The following SLC24A2 variants were observed in gnomAD, a reference collection of about 807,000 sequenced individuals.
SLC24A2 encodes the protein solute carrier family 24 member 2.
In SLC24A2, 36 loss-of-function variants were observed where a neutral mutation model predicts 62.0. The observed-to-expected ratio is 0.58, with a 90% CI of 0.44 to 0.77. The LOEUF (loss-of-function observed/expected upper bound fraction) is 0.77. SLC24A2 is among the 30% of genes least tolerant of loss of function. SLC24A2 has a pLI of 0.00. For missense variants in SLC24A2, 846 were observed against 817.9 expected (o/e 1.03, Z -0.42); for synonymous variants, 358 against 294.0 (o/e 1.22, Z -2.23).
chr9:20,060,646 T>C, the SLC24A2 span, among the ~76,000 whole-genome samples: 5 of 152,160 alleles, frequency 3.3e-5, no homozygotes, highest in African/African-American at 4.8e-5. Context: ...AGGGAACTTT[T>C]CCAACTTGTT....
chr9:19,588,571 A>C (rs1192890207), intron 5 of SLC24A2, among the ~76,000 whole-genome samples: 3 of 150,380 alleles, frequency 2.0e-5, no homozygotes, highest in African/African-American at 7.4e-5. Context: ...TCAGGTTTCT[A>C]AAACAAGTAA....
the SLC24A2 span, among the ~76,000 whole-genome samples, chr9:20,164,217 T>G: frequency 6.6e-6 from 1 of 151,686 alleles, no homozygotes; most frequent in African/African-American, 2.4e-5. Flanking sequence ...GGGAGAAAAT[T>G]TTCACAACCT....
At chr9:20,249,666 T>G in the SLC24A2 span, among the ~76,000 whole-genome samples, 1 of 139,844 alleles carries the variant, frequency 7.2e-6, no homozygotes, top group Non-Finnish European at 1.5e-5. Context: ...GATTGCACCA[T>G]TGCACTCCAG....
At chr9:20,216,964 A>T in the SLC24A2 span, among the ~76,000 whole-genome samples, 2 of 152,180 alleles carry the variant, frequency 1.3e-5, no homozygotes, top group Non-Finnish European at 1.5e-5. Context: ...GGTTTGTCCC[A>T]AAAGACTCTT....
the SLC24A2 span, among the ~76,000 whole-genome samples, chr9:20,210,374 C>T: frequency 6.6e-6 from 1 of 152,142 alleles, no homozygotes; most frequent in East Asian, 1.9e-4. Context: ...TAAAATGTGT[C>T]AGGTGGTAGA....
chr9:19,984,724 C>T, the SLC24A2 span, among the ~76,000 whole-genome samples: 82 of 152,110 alleles, frequency 5.4e-4, no homozygotes, highest in African/African-American at 1.9e-3. Flanking sequence ...AATAAATAAG[C>T]CCAAATATTT....
intron 2 of SLC24A2, among the ~76,000 whole-genome samples, chr9:19,760,814 C>A (rs932969692): frequency 6.7e-6 from 1 of 149,940 alleles, no homozygotes; most frequent in African/African-American, 2.5e-5. Context: ...ATCGCAAGGA[C>A]GGAAAACCAA....
At chr9:20,060,820 C>G in the SLC24A2 span, among the ~76,000 whole-genome samples, 2 of 152,228 alleles carry the variant, frequency 1.3e-5, no homozygotes, top group Admixed American at 1.3e-4. Flanking sequence ...TGTGGAGCTA[C>G]TATAACGATT....
the SLC24A2 span, among the ~76,000 whole-genome samples, chr9:20,291,188 A>C: frequency 9.2e-5 from 14 of 152,172 alleles, no homozygotes; most frequent in African/African-American, 3.4e-4. Flanking sequence ...GAGAGCAAGC[A>C]AGGCTAGCAA....
chr9:20,263,423 A>T, the SLC24A2 span, among the ~76,000 whole-genome samples: 2 of 151,936 alleles, frequency 1.3e-5, no homozygotes, highest in African/African-American at 4.8e-5. Context: ...TATTTTTTAA[A>T]TTTTTTGTAG....
the SLC24A2 span, among the ~76,000 whole-genome samples, chr9:20,110,130 C>T: frequency 6.6e-6 from 1 of 151,964 alleles, no homozygotes; most frequent in East Asian, 1.9e-4. Context: ...GAACCTGAGC[C>T]CACAGCGGAA....
At chr9:19,557,907 C>T (rs1026827487) in intron 7 of SLC24A2, among the ~76,000 whole-genome samples, 6 of 151,690 alleles carry the variant, frequency 4.0e-5, no homozygotes, top group Non-Finnish European at 5.9e-5. Flanking sequence ...TAGCCTCCAT[C>T]TCCCTGGGCT....
the SLC24A2 span, among the ~76,000 whole-genome samples, chr9:20,068,387 T>TCTGA: frequency 5.3e-5 from 8 of 152,100 alleles, no homozygotes; most frequent in African/African-American, 1.9e-4. Context: ...TAATAGCCAT[T>TCTGA]CTGACTACAA....
chr9:19,782,966 T>A (rs1331077568), intron 2 of SLC24A2, among the ~76,000 whole-genome samples: 1 of 152,056 alleles, frequency 6.6e-6, no homozygotes, highest in Non-Finnish European at 1.5e-5. Flanking sequence ...TATAACTTTT[T>A]AAAAAGGGTA....
the SLC24A2 span, among the ~76,000 whole-genome samples, chr9:19,860,351 G>A: frequency 2.0e-5 from 3 of 152,132 alleles, no homozygotes; most frequent in Non-Finnish European, 4.4e-5. Context: ...GACCAGAAGG[G>A]AACCTGCTGC....
intron 2 of SLC24A2, among the ~76,000 whole-genome samples, chr9:19,715,234 T>C (rs546631914): frequency 1.3e-5 from 2 of 152,344 alleles, no homozygotes; most frequent in African/African-American, 4.8e-5. Context: ...GTATAGTATT[T>C]GCAAGGAATA....
chr9:19,559,815 T>C (rs1012762728), intron 7 of SLC24A2, among the ~76,000 whole-genome samples: 1 of 152,196 alleles, frequency 6.6e-6, no homozygotes, highest in Non-Finnish European at 1.5e-5. Context: ...TTCCTAAACA[T>C]ATTGCCTAAT....
the SLC24A2 span, among the ~76,000 whole-genome samples, chr9:20,273,057 AGT>A: frequency 6.6e-6 from 1 of 152,206 alleles, no homozygotes; most frequent in Admixed American, 6.5e-5. Context: ...TGACTTCCAC[AGT>A]GTGAGGCAGA....
chr9:19,780,654 G>C (rs541533390), intron 2 of SLC24A2, among the ~76,000 whole-genome samples: 1 of 151,314 alleles, frequency 6.6e-6, no homozygotes, highest in African/African-American at 2.4e-5. Flanking sequence ...TGGGAGCTGA[G>C]GCAGGTGGAT....
Sources: gnomAD v4.1 joint callset for allele counts (sites outside exome capture counted in the v4.1 genomes callset) on GRCh38, gnomAD v4.1.1 for gene constraint, MANE v1.5 for transcripts, NCBI Gene and HGNC (gene_info 2026-07-23, HGNC 2026-07-21) for gene names.